NCOR1: variants seen among roughly 807,000 people sequenced by gnomAD.
NCOR1 encodes protein phosphatase 1, regulatory subunit 109.
NCOR1 carries 63 observed loss-of-function variants against 288.1 expected under a neutral mutation model. That is an observed-to-expected ratio of 0.22 (90% confidence interval 0.18 to 0.27). NCOR1 has a LOEUF of 0.27. NCOR1 is among the 10% of genes least tolerant of loss of function. The probability of loss-of-function intolerance (pLI) is 1.00; values close to 1 mark genes in which losing one functional copy is unlikely to be tolerated. For synonymous variants in NCOR1, 1,007 were observed against 1,065.9 expected (o/e 0.94, Z 1.08); for missense variants, 2,397 against 3,019.2 (o/e 0.79, Z 4.83).
intron 18 of NCOR1, among the ~76,000 whole-genome samples, chr17:16,112,880 T>C (rs1009774764): frequency 2.6e-5 from 4 of 152,108 alleles, no homozygotes; most frequent in Non-Finnish European, 4.4e-5. Context: ...AAATTTTAAA[T>C]TATTAAAAAC....
intron 21 of NCOR1, among the ~76,000 whole-genome samples, chr17:16,092,687 ATATATATATTTTT>A (rs1277065258): frequency 0.012 from 140 of 11,514 alleles, 7 homozygotes; most frequent in African/African-American, 0.043. Flanking sequence ...ATATATATAT[ATATATATATTTTT>A]TTTTTTTTTT....
chr17:16,198,870 A>G (rs1432193836), intron 1 of NCOR1, among the ~76,000 whole-genome samples: 1 of 152,224 alleles, frequency 6.6e-6, no homozygotes, highest in East Asian at 1.9e-4. Flanking sequence ...TCCCAAATAA[A>G]TAAAGCTATA....
intron 11 of NCOR1, among the ~76,000 whole-genome samples, chr17:16,140,310 T>C (rs1337139819): frequency 6.6e-6 from 1 of 152,232 alleles, no homozygotes; most frequent in Admixed American, 6.5e-5. Flanking sequence ...AGAGGTAATT[T>C]TAAAAGCAAT....
chr17:16,159,588 C>G (rs148040205), intron 5 of NCOR1, among the ~76,000 whole-genome samples: 8 of 152,084 alleles, frequency 5.3e-5, no homozygotes, highest in Non-Finnish European at 1.0e-4. Context: ...ATTTGCTGGG[C>G]AGAATATGGT....
chr17:16,128,839 C>T (rs1229765536), intron 14 of NCOR1, among the ~76,000 whole-genome samples: 2 of 152,198 alleles, frequency 1.3e-5, no homozygotes, highest in African/African-American at 4.8e-5. Flanking sequence ...CAAAAGAAGT[C>T]CCATCCACAT....
intron 42 of NCOR1, among the ~76,000 whole-genome samples, chr17:16,042,547 CA>C (rs1567667527): frequency 6.6e-6 from 1 of 152,192 alleles, no homozygotes; most frequent in Non-Finnish European, 1.5e-5. Flanking sequence ...CCTGGGGCTC[CA>C]TAATTCAACT....
At chr17:16,092,873 A>G (rs1412831007) in intron 21 of NCOR1, among the ~76,000 whole-genome samples, 2 of 140,680 alleles carry the variant, frequency 1.4e-5, no homozygotes, top group African/African-American at 5.3e-5. Flanking sequence ...TAATTTTTCT[A>G]TTTTTTTTTT....
chr17:16,084,503 T>C (rs1013552207), intron 23 of NCOR1: 1 of 152,074 alleles, frequency 6.6e-6, no homozygotes, highest in African/African-American at 2.4e-5. Flanking sequence ...GCAAAAGACA[T>C]CAAATAGTCA....
intron 28 of NCOR1, among the ~76,000 whole-genome samples, chr17:16,072,777 A>C (rs2152745362): frequency 6.6e-6 from 1 of 152,364 alleles, no homozygotes; most frequent in Admixed American, 6.5e-5. Context: ...GCTCTTAGAA[A>C]ATTACACAGG....
At chr17:16,186,402 A>T in intron 3 of NCOR1, 152 bp downstream of exon 3, 1 of 782,814 alleles carries the variant, frequency 1.3e-6, no homozygotes, top group Non-Finnish European at 1.9e-6. Context: ...CTTGTTAACT[A>T]TTGCAACCAA....
At chr17:16,086,570 C>T (rs951630591) in intron 22 of NCOR1, 128 bp from the exon 23 acceptor site, 3 of 820,788 alleles carry the variant, frequency 3.7e-6, no homozygotes, top group African/African-American at 3.5e-5. Context: ...CAACAATGAA[C>T]ATTTCTATTT....
intron 21 of NCOR1, among the ~76,000 whole-genome samples, chr17:16,097,532 A>G (rs986263329): frequency 6.6e-6 from 1 of 152,122 alleles, no homozygotes; most frequent in African/African-American, 2.4e-5. Flanking sequence ...AAAAACCCCA[A>G]ATGATGGGGT....
intron 10 of NCOR1, among the ~76,000 whole-genome samples, chr17:16,145,612 C>A (rs1325639959): frequency 6.6e-6 from 1 of 151,116 alleles, no homozygotes; most frequent in East Asian, 2.0e-4. Context: ...GTGAGGAGCC[C>A]CTCTGCCCGG....
At position 16,169,036 on chromosome 17, in the gene NCOR1, T is replaced by C. The variant is rs370519095; in HGVS notation, c.435+2767A>G. On this transcript the variant is annotated intron_variant, in intron 4 of 45. Transcript: ENST00000268712. The stretch of plus-strand genomic sequence containing the variant: ...AACAGGTAACCTAAATGTATGACAA[T>C]TGATTAAATAATTTTATTTAATCAA... Among the ~76,000 whole-genome samples, 8 of 152,056 alleles carry C rather than the reference T, an allele frequency of 5.3e-5. No individual in the cohort carries two copies. The South Asian group carries it at 6.2e-4, about 12-fold the overall frequency.
intron 5 of NCOR1, among the ~76,000 whole-genome samples, chr17:16,162,882 T>C (rs1169291921): frequency 1.3e-5 from 2 of 152,250 alleles, no homozygotes; most frequent in South Asian, 2.1e-4. Context: ...ACACTGACTA[T>C]ACAACATGTA....
At chr17:16,086,503 C>A (rs1018733231) in intron 22 of NCOR1, 61 bp from the exon 23 acceptor site, 1 of 1,429,458 alleles carries the variant, frequency 7.0e-7, no homozygotes, top group Non-Finnish European at 9.6e-7. Context: ...CAACATGTTA[C>A]CTCTCTCAGT....
chr17:16,098,938 C>T (rs1276735862), intron 20 of NCOR1: 1 of 152,274 alleles, frequency 6.6e-6, no homozygotes, highest in East Asian at 1.9e-4. Context: ...CACAAATATC[C>T]TAACATGGGT....
At chr17:16,193,079 G>C (rs1263458769) in intron 2 of NCOR1, among the ~76,000 whole-genome samples, 1 of 152,178 alleles carries the variant, frequency 6.6e-6, no homozygotes, top group Non-Finnish European at 1.5e-5. Flanking sequence ...GGGTGCCAAA[G>C]AACGTCCTAG....
rs761392247 is a variant in NCOR1 at position 16,171,867 on chromosome 17, G to A, written c.371C>T (p.Ala124Val). ...CGGGTGCACTAAAGGCAAAACCGCA[G>A]CACTGACACGCTGAAAATGAGAATC... is the stretch of plus-strand genomic sequence containing the variant. ...VSDSHFQRVS[A>V]AVLPLVHPLP... is the part of the protein sequence containing the mutation. Residue 124 changes from alanine (A) to valine (V), a missense_variant, in exon 4 of 46, where the codon GCT becomes GTT. Around this residue, in one of 11 missense-constraint regions of NCOR1, gnomAD observed 110 missense variants for 123.2 expected, o/e 0.89. Coordinates refer to ENST00000268712, the MANE Select transcript of NCOR1 (RefSeq NM_006311.4). The A allele has an allele frequency of 9.3e-6, 15 of 1,613,310 alleles. No homozygotes were observed. In the Admixed American group the frequency reaches 2.5e-4, roughly 27 times the overall value.
Sources: allele counts gnomAD v4.1 joint callset (sites outside exome capture counted in the v4.1 genomes callset), GRCh38; gene constraint gnomAD v4.1.1; regional missense constraint gnomAD v4.1.1; transcripts MANE v1.5; gene names NCBI Gene and HGNC (gene_info 2026-07-23, HGNC 2026-07-21).